KCNJ18: variants seen among roughly 807,000 people sequenced by gnomAD.
KCNJ18 encodes inward rectifier potassium channel 18.
Under a neutral mutation model 17.3 loss-of-function variants are expected in KCNJ18, and 16 were observed. The ratio of observed to expected loss-of-function variants is 0.92; its 90% CI spans 0.62 to 1.40. The LOEUF is 1.40. KCNJ18 is among the 40% of genes most tolerant of loss of function. The pLI, the probability that KCNJ18 is intolerant of heterozygous loss-of-function variation, is 0.00. For missense variants in KCNJ18, 462 were observed against 626.8 expected, an observed-to-expected ratio of 0.74 and a Z score of 2.81; for synonymous variants, 185 against 262.6, an observed-to-expected ratio of 0.70 and a Z score of 2.86.
chr17:21,702,412 G>A (rs1453679334), intron 2 of KCNJ18, among the ~76,000 whole-genome samples: 6 of 152,138 alleles, frequency 3.9e-5, no homozygotes, highest in Admixed American at 3.9e-4. Context: ...GTTGTGCCCC[G>A]AACTGGCTGG....
At chr17:21,697,978 G>T (rs1196341765) in intron 2 of KCNJ18, among the ~76,000 whole-genome samples, 5 of 152,310 alleles carry the variant, frequency 3.3e-5, no homozygotes, top group Admixed American at 3.3e-4. Flanking sequence ...TCTCCAAGGG[G>T]TCTTCCAATG....
intron 2 of KCNJ18, among the ~76,000 whole-genome samples, chr17:21,701,865 T>A (rs1428010119): frequency 6.6e-6 from 1 of 151,996 alleles, no homozygotes; most frequent in South Asian, 2.1e-4. Context: ...GAGCTGAAAT[T>A]GCGCCATTGC....
At chr17:21,695,945 C>A (rs1359117329) in intron 1 of KCNJ18, 38 bp from the exon 2 acceptor site, 9 of 152,340 alleles carry the variant, frequency 5.9e-5, no homozygotes, top group African/African-American at 1.9e-4. Context: ...AAGAGCAGCA[C>A]CGCCTGCAGT....
At chr17:21,701,871 A>G (rs1291289482) in intron 2 of KCNJ18, among the ~76,000 whole-genome samples, 3 of 152,268 alleles carry the variant, frequency 2.0e-5, no homozygotes, top group Admixed American at 6.5e-5. Context: ...AAATTGCGCC[A>G]TTGCATTCCA....
intron 2 of KCNJ18, among the ~76,000 whole-genome samples, chr17:21,696,642 A>C (rs1179235540): frequency 1.3e-5 from 2 of 152,200 alleles, no homozygotes; most frequent in Non-Finnish European, 2.9e-5. Flanking sequence ...ACAAGGTGGG[A>C]AGTAGCTTCT....
chr17:21,698,025 G>A (rs1175189996), intron 2 of KCNJ18, among the ~76,000 whole-genome samples: 1 of 152,244 alleles, frequency 6.6e-6, no homozygotes, highest in Non-Finnish European at 1.5e-5. Flanking sequence ...CCCCATCTCC[G>A]AATGAGGGTG....
intron 2 of KCNJ18, among the ~76,000 whole-genome samples, chr17:21,702,488 G>C (rs1396015199): frequency 6.6e-6 from 1 of 152,212 alleles, no homozygotes; most frequent in Non-Finnish European, 1.5e-5. Flanking sequence ...AGACTCTTCA[G>C]AGCCCTCAGT....
chr17:21,697,675 G>A (rs2142268342), intron 2 of KCNJ18, among the ~76,000 whole-genome samples: 1 of 152,430 alleles, frequency 6.6e-6, no homozygotes, highest in Admixed American at 6.5e-5. Flanking sequence ...GGCAGGGCCT[G>A]GCATGAGGGA....
At chr17:21,702,633 G>A (rs1905998275) in intron 2 of KCNJ18, 98 bp from the exon 3 acceptor site, 4 of 854,662 alleles carry the variant, frequency 4.7e-6, no homozygotes, top group Middle Eastern at 3.4e-4. Context: ...GTCAATCAGG[G>A]TGGAAGCGTC....
chr17:21,694,229 C>G (rs1905689262), intron 1 of KCNJ18, among the ~76,000 whole-genome samples: 1 of 152,104 alleles, frequency 6.6e-6, no homozygotes. Context: ...AAAGGGCAGG[C>G]CCCATGAACT....
At position 21,703,660 on chromosome 17, in the gene KCNJ18, G is replaced by A. The variant is rs1272813991; in HGVS notation, c.874G>A (p.Asp292Asn). 3.7e-6 allele frequency: 6 copies of A among 1,601,550 alleles called. No individual in the cohort carries two copies. Among genetic ancestry groups the A allele is most frequent in the East Asian group, 2.2e-5 (1 of 44,516 alleles). The change falls in exon 3 of 3, where the codon GAC becomes AAC. Residue 292 changes from aspartate to asparagine, a missense_variant. Physicochemically the swap from Asp to Asn is conservative, Grantham distance 23. Transcript: ENST00000567955. ...CAGCCGGCAGGACCTGGAGACGGAC[G>A]ACTTTGAGATCGTGGTCATCCTGGA... is the stretch of plus-strand genomic sequence containing the variant. Reference protein sequence around the residue: ...GISRQDLETDDFEIVVILEGM... With the variant: ...GISRQDLETDNFEIVVILEGM...
At position 21,703,629 on chromosome 17, in the gene KCNJ18, C is replaced by G. The variant is rs1320716221; in HGVS notation, c.843C>G (p.Phe281Leu). The G allele has an allele frequency of 1.6e-3, 2,544 of 1,610,442 alleles. 3 individuals are homozygous for G. The highest frequency in any genetic ancestry group is 3.2e-3 in the Admixed American group (189 of 59,906). Residue 281 changes from phenylalanine (F) to leucine (L), a missense_variant, in exon 3 of 3, where the codon TTC (phenylalanine) becomes TTG (leucine). By Grantham distance (22) the Phe-to-Leu change is conservative. This residue lies in a region of KCNJ18 where 55 missense variants were observed against 69.1 expected (regional missense o/e 0.80). Coordinates refer to ENST00000567955, the MANE Select transcript of KCNJ18 (RefSeq NM_001194958.2). ...AAATTGACGAGGCCAGCCCGCTCTTCGGCATCAGCCGGCAGGACCTGGAGA... is the reference window on the plus strand; with the variant it reads ...AAATTGACGAGGCCAGCCCGCTCTTGGGCATCAGCCGGCAGGACCTGGAGA... ...LHEIDEASPL[F>L]GISRQDLETD...
At chr17:21,702,357 C>T (rs1165827644) in intron 2 of KCNJ18, among the ~76,000 whole-genome samples, 1 of 152,084 alleles carries the variant, frequency 6.6e-6, no homozygotes, top group Non-Finnish European at 1.5e-5. Context: ...TCTGTGGCTG[C>T]CATGGAGACT....
chr17:21,695,506 C>T (rs1178736299), intron 1 of KCNJ18, among the ~76,000 whole-genome samples: 1 of 152,306 alleles, frequency 6.6e-6, no homozygotes, highest in African/African-American at 2.4e-5. Flanking sequence ...TTCATCCACC[C>T]CCCCAGCTAT....
At position 21,703,416 on chromosome 17, in the gene KCNJ18, C is replaced by T; in HGVS notation, c.630C>T (p.Cys210=). The T allele has an allele frequency of 1.9e-6, 3 of 1,612,764 alleles. No individual in the cohort carries two copies. The highest frequency in any genetic ancestry group is 1.1e-5 in the South Asian group (1 of 91,046). The change falls in exon 3 of 3, where the codon TGC becomes TGT. Residue 210 remains cysteine, a synonymous_variant. Transcript: ENST00000567955. ...AVVALRDGKL[C]LMWRVGNLRK... ...TGGCCCTGCGTGACGGCAAGCTCTG[C>T]CTCATGTGGCGTGTGGGCAACCTGC...
At chr17:21,695,318 C>G (rs1905727637) in intron 1 of KCNJ18, among the ~76,000 whole-genome samples, 1 of 152,124 alleles carries the variant, frequency 6.6e-6, no homozygotes, top group African/African-American at 2.4e-5. Flanking sequence ...TCACACCCAA[C>G]CACTCATTCA....
rs1207745076 is a variant in KCNJ18, at chr17:21,703,943, G to A, written c.1157G>A (p.Arg386His). 6.8e-6 allele frequency: 11 copies of A among 1,609,772 alleles called. No individual in the cohort carries two copies. The highest frequency in any genetic ancestry group is 2.2e-5 in the East Asian group (1 of 44,886). ...CYENELAFLSRDEEDEADGDQ... is the reference protein window; with the variant it reads ...CYENELAFLSHDEEDEADGDQ... The stretch of plus-strand genomic sequence containing the variant: ...GAGAACGAGCTGGCCTTCCTGAGCC[G>A]TGACGAGGAGGATGAGGCGGACGGA... Residue 386 changes from arginine to histidine, a missense_variant, in exon 3 of 3, where the codon CGT becomes CAT. Physicochemically the swap from Arg to His is conservative, Grantham distance 29 (BLOSUM62 0). Around this residue, in one of 5 missense-constraint regions of KCNJ18, gnomAD observed 123 missense variants for 117.5 expected, o/e 1.05. Transcript: ENST00000567955.
In KCNJ18 at chr17:21,692,523, A is replaced by G. The variant is rs1198690985; in HGVS notation, c.-370A>G. On this transcript the variant is annotated 5_prime_UTR_variant, in exon 1 of 3. Coordinates refer to ENST00000567955, the MANE Select transcript of KCNJ18 (RefSeq NM_001194958.2). ...GCCAGGGGGGCTTCTGAGGACATCC[A>G]GCAGGCCACAGGGAGGCTTGGGCAC... 6.6e-6 allele frequency: 1 copy of G among 152,304 alleles called. No individual in the cohort carries two copies. The highest frequency in any genetic ancestry group is 2.1e-4 in the South Asian group (1 of 4,838). The allele number at this position is 152,304 out of a possible 1,614,324, so 9.4% of individuals were successfully genotyped here.
intron 1 of KCNJ18, among the ~76,000 whole-genome samples, chr17:21,694,774 A>G (rs1190481385): frequency 3.3e-5 from 5 of 150,728 alleles, no homozygotes; most frequent in Non-Finnish European, 7.4e-5. Flanking sequence ...CCACTCATCC[A>G]CTCATTCACT....
Sources: gnomAD v4.1 joint callset for allele counts (sites outside exome capture counted in the v4.1 genomes callset) on GRCh38, gnomAD v4.1.1 for gene constraint, gnomAD v4.1.1 regional missense constraint, MANE v1.5 for transcripts, NCBI Gene and HGNC (gene_info 2026-07-23, HGNC 2026-07-21) for gene names.